KIF26B: variants seen among roughly 807,000 people sequenced by gnomAD.
KIF26B encodes the protein kinesin family member 26B.
KIF26B carries 63 observed loss-of-function variants against 151.2 expected under a neutral mutation model. That is an observed-to-expected ratio of 0.42 (90% confidence interval 0.34 to 0.51). The LOEUF (loss-of-function observed/expected upper bound fraction) is 0.51. KIF26B is among the 20% of genes least tolerant of loss of function. The pLI is 0.07. For synonymous variants in KIF26B, 1,357 were observed against 1,262.1 expected (o/e 1.08, Z -1.59); for missense variants, 2,813 against 2,913.6 (o/e 0.97, Z 0.79).
chr1:245,493,809 A>G (rs1467448200), intron 4 of KIF26B, among the ~76,000 whole-genome samples: 1 of 152,148 alleles, frequency 6.6e-6, no homozygotes, highest in South Asian at 2.1e-4. Flanking sequence ...TAAAAGACAA[A>G]ATTTGGGATT....
intron 4 of KIF26B, among the ~76,000 whole-genome samples, chr1:245,491,879 G>A (rs1346099348): frequency 6.6e-6 from 1 of 151,906 alleles, no homozygotes; most frequent in Non-Finnish European, 1.5e-5. Flanking sequence ...CTGCACTCTA[G>A]CCTGGGCAAC....
chr1:245,308,774 A>G (rs57890173), intron 2 of KIF26B, among the ~76,000 whole-genome samples: 30,603 of 152,070 alleles, frequency 0.2, 3,285 homozygotes, highest in East Asian at 0.43. Context: ...TGGAACAAGA[A>G]AGAATCATGA....
intron 2 of KIF26B, among the ~76,000 whole-genome samples, chr1:245,194,264 G>A (rs1237174586): frequency 1.3e-5 from 2 of 152,152 alleles, no homozygotes; most frequent in Admixed American, 6.5e-5. Flanking sequence ...TAGAGTTTCC[G>A]TTTACATAGA....
At chr1:245,374,734 C>A (rs1030783168) in intron 3 of KIF26B, among the ~76,000 whole-genome samples, 1 of 152,126 alleles carries the variant, frequency 6.6e-6, no homozygotes, top group Non-Finnish European at 1.5e-5. Context: ...GGTTATGTAT[C>A]TTTATGCTTT....
At chr1:245,586,017 CAG>C (rs141277627) in intron 5 of KIF26B, among the ~76,000 whole-genome samples, 3,672 of 152,198 alleles carry the variant, frequency 0.024, 154 homozygotes, top group African/African-American at 0.082. Flanking sequence ...TTTTTAGAGA[CAG>C]GGTCTGCCTC....
chr1:245,351,905 G>A (rs913403299), intron 2 of KIF26B, among the ~76,000 whole-genome samples: 2 of 152,164 alleles, frequency 1.3e-5, no homozygotes, highest in Non-Finnish European at 2.9e-5. Flanking sequence ...CACTTAATAA[G>A]TGTTTTATAA....
rs568363682 is a variant in KIF26B at position 245,287,122 on chromosome 1, T to A, written c.466-79712T>A. Among the ~76,000 whole-genome samples, 7 of 152,326 alleles carry A rather than the reference T, an allele frequency of 4.6e-5. No homozygotes were observed. The East Asian group carries it at 5.8e-4, about 13-fold the overall frequency. On this transcript the variant is annotated intron_variant, in intron 2 of 14. Transcript: ENST00000407071. ...AGACTCTGTCTCAAAAAAAACAAAA[T>A]TTTTTAAAAAATTTTCTTACAACTT...
chr1:245,300,358 G>A (rs1486609211), intron 2 of KIF26B, among the ~76,000 whole-genome samples: 3 of 152,084 alleles, frequency 2.0e-5, no homozygotes, highest in East Asian at 3.9e-4. Flanking sequence ...TCTACTCTGG[G>A]GATTGGACCC....
chr1:245,623,026 G>GTTT (rs56666383), intron 9 of KIF26B, among the ~76,000 whole-genome samples: 2 of 111,852 alleles, frequency 1.8e-5, no homozygotes, highest in Non-Finnish European at 3.7e-5. Context: ...TCGTGAGCAA[G>GTTT]TTTTTTTTTT....
At chr1:245,208,779 C>T (rs1669456346) in intron 2 of KIF26B, among the ~76,000 whole-genome samples, 1 of 152,172 alleles carries the variant, frequency 6.6e-6, no homozygotes. Context: ...CCACCTCCTT[C>T]AGCATCTCAT....
chr1:245,583,341 C>A (rs919077953), intron 5 of KIF26B, among the ~76,000 whole-genome samples: 3 of 152,108 alleles, frequency 2.0e-5, no homozygotes, highest in African/African-American at 7.2e-5. Context: ...AAGGCACTCA[C>A]AGCCTTACAC....
intron 2 of KIF26B, among the ~76,000 whole-genome samples, chr1:245,243,734 CCA>C (rs1670255706): frequency 6.6e-6 from 1 of 151,954 alleles, no homozygotes. Context: ...GCCTGTAGTC[CCA>C]GTTACTCGGG....
intron 5 of KIF26B, among the ~76,000 whole-genome samples, chr1:245,567,734 G>A (rs866536443): frequency 2.4e-4 from 36 of 152,146 alleles, no homozygotes; most frequent in African/African-American, 8.7e-4. Context: ...ATTTCAGAGT[G>A]TTGTACAGCT....
chr1:245,402,589 A>G (rs1312610788), intron 3 of KIF26B, among the ~76,000 whole-genome samples: 1 of 152,228 alleles, frequency 6.6e-6, no homozygotes, highest in African/African-American at 2.4e-5. Flanking sequence ...CGTGAACCCA[A>G]ATTCAGGAGA....
chr1:245,361,703 T>A (rs1672822745), intron 2 of KIF26B, among the ~76,000 whole-genome samples: 1 of 152,238 alleles, frequency 6.6e-6, no homozygotes, highest in East Asian at 1.9e-4. Context: ...TTGCTGTCAC[T>A]ACTGCGGTTG....
chr1:245,684,509 T>C (rs2044484017), intron 11 of KIF26B, 114 bp downstream of exon 11: 4 of 1,142,672 alleles, frequency 3.5e-6, no homozygotes, highest in Non-Finnish European at 4.9e-6. Flanking sequence ...CATCAGGAGA[T>C]GTGACTTGGA....
chr1:245,698,417 C>A lies in KIF26B; in HGVS notation c.6027+109C>A. ...GAAGAAAACTCAGACCCGGGCTTCC[C>A]AGCGGGCTTCTGGCATGGGTGGTGG... On this transcript the variant is annotated intron_variant, in intron 13 of 14. Coordinates refer to ENST00000407071, the MANE Select transcript of KIF26B (RefSeq NM_018012.4). The surrounding 1 kb of genome is among the most constrained non-coding windows in gnomAD (Gnocchi z 4.0). 1 of 1,022,014 alleles carries A rather than the reference C, an allele frequency of 9.8e-7. No homozygotes were observed. Among genetic ancestry groups the A allele is most frequent in the Non-Finnish European group, 1.4e-6 (1 of 703,956 alleles). 63.3% of individuals were successfully genotyped at this position (1,022,014 alleles called of 1,614,324 possible).
chr1:245,465,221 G>A (rs762262755), intron 4 of KIF26B, among the ~76,000 whole-genome samples: 5 of 152,026 alleles, frequency 3.3e-5, no homozygotes, highest in Admixed American at 6.6e-5. Context: ...CTCGTGATCC[G>A]CCCGCCTCGG....
At chr1:245,462,654 G>A (rs563714899) in intron 4 of KIF26B, among the ~76,000 whole-genome samples, 54 of 152,218 alleles carry the variant, frequency 3.5e-4, no homozygotes, top group African/African-American at 1.2e-3. Context: ...CCAAGTGTCC[G>A]TTCCCCTGTT....
Sources: allele counts gnomAD v4.1 joint callset (sites outside exome capture counted in the v4.1 genomes callset), GRCh38; gene constraint gnomAD v4.1.1; non-coding constraint Gnocchi (gnomAD v3.1); transcripts MANE v1.5; gene names NCBI Gene and HGNC (gene_info 2026-07-23, HGNC 2026-07-21).